Variants in ANKRD11 observed in about 807,000 individuals in gnomAD.
ANKRD11 encodes ankyrin repeat domain-containing protein 11.
A neutral mutation model predicts 195.7 loss-of-function variants in ANKRD11; 17 were observed. The observed-to-expected ratio is 0.09, with a 90% CI of 0.06 to 0.13. The LOEUF (loss-of-function observed/expected upper bound fraction) is 0.13. ANKRD11 is among the 10% of genes least tolerant of loss of function. The pLI is 1.00. For synonymous variants in ANKRD11, 1,953 were observed against 1,528.1 expected (o/e 1.28, Z -6.49); for missense variants, 3,735 against 3,566.1 (o/e 1.05, Z -1.21).
At chr16:89,289,161 C>T (rs1344502038) in intron 6 of ANKRD11, among the ~76,000 whole-genome samples, 4 of 152,198 alleles carry the variant, frequency 2.6e-5, no homozygotes, top group Non-Finnish European at 5.9e-5. Flanking sequence ...GGGCAGGCAG[C>T]TCCTGGCTGG....
chr16:89,398,374 C>T (rs1244353191), intron 2 of ANKRD11, among the ~76,000 whole-genome samples: 1 of 87,620 alleles, frequency 1.1e-5, no homozygotes, highest in Non-Finnish European at 2.5e-5. Context: ...ACATGAGGGA[C>T]GCTGTGAAAC....
At chr16:89,411,024 G>C (rs1597324269) in intron 2 of ANKRD11, among the ~76,000 whole-genome samples, 1 of 152,338 alleles carries the variant, frequency 6.6e-6, no homozygotes, top group African/African-American at 2.4e-5. Context: ...AGGGTGGCCA[G>C]GGCAGGAGGC....
chr16:89,423,743 G>C (rs557246894), intron 1 of ANKRD11, among the ~76,000 whole-genome samples: 1 of 152,174 alleles, frequency 6.6e-6, no homozygotes, highest in African/African-American at 2.4e-5. Context: ...GATGTGCTTC[G>C]ATGGTGTAAG....
At chr16:89,315,335 G>C (rs923616597) in intron 3 of ANKRD11, among the ~76,000 whole-genome samples, 1 of 152,166 alleles carries the variant, frequency 6.6e-6, no homozygotes, top group Non-Finnish European at 1.5e-5. Flanking sequence ...CCAGGGCGGC[G>C]ACGTGAAGCT....
rs373393326 is a variant in ANKRD11 at position 89,280,776 on chromosome 16, G to A, written c.5766C>T (p.Ala1922=). 4.4e-5 allele frequency: 71 copies of A among 1,611,912 alleles called. No individual in the cohort carries two copies. The African/African-American group carries it at 9.1e-4, about 21-fold the overall frequency. Residue 1922 remains alanine (A), a synonymous_variant, in exon 9 of 13, where the codon GCC becomes GCT. Coordinates refer to ENST00000301030, the MANE Select transcript of ANKRD11 (RefSeq NM_013275.6). ...GGTAGCTGGGCTCCGGGGGGATGAT[G>A]GCGGCCGTCGCCTGCTGGTCCTCGG... The part of the protein sequence containing the change: ...DTSEDQQATA[A]IIPPEPSYLE...
rs529093916 is a variant in ANKRD11, at chr16:89,285,958, G to A, written c.892+81C>T. On this transcript the variant is annotated intron_variant, in intron 8 of 12. Coordinates refer to ENST00000301030, the MANE Select transcript of ANKRD11 (RefSeq NM_013275.6). This position sits in a 1 kb window ranked among gnomAD's most constrained non-coding sequence, Gnocchi z 5.6. ...CATCCGAGGAGGAGCTGATCAGAGG[G>A]GCAACACTGTGCAAACACCACAGGG... The A allele has an allele frequency of 6.5e-5, 104 of 1,603,368 alleles. No homozygotes were observed. The highest frequency in any genetic ancestry group is 8.4e-5 in the Non-Finnish European group (98 of 1,173,132).
In ANKRD11 at chr16:89,279,749, C is replaced by CG. The variant is rs878855327; in HGVS notation, c.6792dup (p.Ala2265ArgfsTer8). The CG allele has an allele frequency of 6.6e-7, 1 of 1,523,988 alleles. No homozygotes were observed. 94.4% of individuals were successfully genotyped at this position (1,523,988 alleles called of 1,614,324 possible). On this transcript the variant is annotated frameshift_variant, in exon 9 of 13. Transcript: ENST00000301030. LOFTEE classifies it high-confidence loss of function. This position sits in a 1 kb window ranked among gnomAD's most constrained non-coding sequence, Gnocchi z 5.6. ...CCGTCAGGGGCACAGAGGGACGCGG[C>CG]GGGGGGGCCTTCAGCCTCAGCCCCC...
At chr16:89,401,901 C>T (rs901112306) in intron 2 of ANKRD11, among the ~76,000 whole-genome samples, 1 of 152,066 alleles carries the variant, frequency 6.6e-6, no homozygotes, top group African/African-American at 2.4e-5. Flanking sequence ...AGAGACTCCC[C>T]CATCCCCCAG....
In ANKRD11 at chr16:89,282,793, T is replaced by C; in HGVS notation, c.3749A>G (p.Asp1250Gly). The C allele has an allele frequency of 6.2e-7, 1 of 1,611,920 alleles. No homozygotes were observed. The highest frequency in any genetic ancestry group is 8.5e-7 in the Non-Finnish European group (1 of 1,180,030). ...EKAEKKHAAEDKAKSKHKEKS... is the reference protein window; with the variant it reads ...EKAEKKHAAEGKAKSKHKEKS... ...CTCTTTGTGTTTGCTTTTAGCCTTG[T>C]CTTCGGCAGCGTGCTTCTTTTCAGC... Residue 1250 changes from aspartate to glycine, a missense_variant, in exon 9 of 13, where the codon GAC becomes GGC. By Grantham distance (94) the Asp-to-Gly change is moderately conservative. Coordinates refer to ENST00000301030, the MANE Select transcript of ANKRD11 (RefSeq NM_013275.6).
chr16:89,443,180 C>G (rs954758048), intron 1 of ANKRD11: 6 of 152,034 alleles, frequency 3.9e-5, no homozygotes, highest in African/African-American at 1.4e-4. Context: ...TCAGTAGAGA[C>G]AGGGTTTCAC....
chr16:89,308,288 G>C (rs903126466), intron 3 of ANKRD11, among the ~76,000 whole-genome samples: 1 of 152,192 alleles, frequency 6.6e-6, no homozygotes, highest in Non-Finnish European at 1.5e-5. Context: ...ATAAAGAAAA[G>C]AAAACCACGT....
intron 1 of ANKRD11, among the ~76,000 whole-genome samples, chr16:89,451,241 G>C (rs750866116): frequency 2.6e-5 from 4 of 152,038 alleles, no homozygotes; most frequent in South Asian, 2.1e-4. Context: ...AGGGTGTTTC[G>C]GGTTTTTGTT....
intron 1 of ANKRD11, among the ~76,000 whole-genome samples, chr16:89,467,747 A>G (rs576763880): frequency 2.2e-4 from 34 of 152,142 alleles, no homozygotes; most frequent in Non-Finnish European, 3.1e-4. Flanking sequence ...GACATACTGC[A>G]TATGTTTTTA....
chr16:89,469,898 G>T (rs1197634581), intron 1 of ANKRD11, among the ~76,000 whole-genome samples: 1 of 113,554 alleles, frequency 8.8e-6, no homozygotes, highest in East Asian at 3.1e-4. Flanking sequence ...AACAAAGTCA[G>T]TTGTACTTTT....
rs554052710 is a variant in ANKRD11 at position 89,302,116 on chromosome 16, G to A, written c.226+3090C>T. ...TCTCTTCTCATCCCTGCTGGTGTGCGCCTCTCCCTCCACCCCACTCATTTC... is the reference window on the plus strand; with the variant it reads ...TCTCTTCTCATCCCTGCTGGTGTGCACCTCTCCCTCCACCCCACTCATTTC... On this transcript the variant is annotated intron_variant, in intron 4 of 12. Transcript: ENST00000301030. Among the ~76,000 whole-genome samples, 17 of 152,300 alleles carry A rather than the reference G, an allele frequency of 1.1e-4. No individual in the cohort carries two copies. In the South Asian group the frequency reaches 2.7e-3, roughly 24 times the overall value.
At chr16:89,459,959 G>A (rs1015787555) in intron 1 of ANKRD11, among the ~76,000 whole-genome samples, 1 of 151,564 alleles carries the variant, frequency 6.6e-6, no homozygotes, top group African/African-American at 2.4e-5. Context: ...AAAAAGGCCA[G>A]GTGCGGTGGC....
intron 2 of ANKRD11, among the ~76,000 whole-genome samples, chr16:89,375,185 C>T (rs181673925): frequency 1.4e-4 from 22 of 152,176 alleles, no homozygotes; most frequent in Non-Finnish European, 3.1e-4. Context: ...CCTGTGCTAC[C>T]GCGGTGAGCT....
rs557077536 is a variant in ANKRD11, at chr16:89,347,633, T to C, written c.-59-30555A>G. Among the ~76,000 whole-genome samples, 4 of 151,736 alleles carry C rather than the reference T, an allele frequency of 2.6e-5. No homozygotes were observed. The South Asian group carries it at 8.3e-4, about 32-fold the overall frequency. On this transcript the variant is annotated intron_variant, in intron 2 of 12. Transcript: ENST00000301030. ...AAAAAAAAAAAAAAAAAGGTTCTGT[T>C]CTCCAGGTTGTGAAAATGTGACTAT...
At chr16:89,270,617 C>T in intron 12 of ANKRD11, 200 bp downstream of exon 12, 3 of 629,380 alleles carry the variant, frequency 4.8e-6, no homozygotes, top group South Asian at 1.8e-5. Context: ...GAAGGGAAGA[C>T]TGAGGAGGCC....
Sources: gnomAD v4.1 joint callset for allele counts (sites outside exome capture counted in the v4.1 genomes callset) on GRCh38, gnomAD v4.1.1 for gene constraint, Gnocchi (gnomAD v3.1) non-coding constraint, MANE v1.5 for transcripts, NCBI Gene and HGNC (gene_info 2026-07-23, HGNC 2026-07-21) for gene names.